DNAJC11: variants seen among roughly 807,000 people sequenced by gnomAD.
The protein encoded by DNAJC11 is dnaJ homolog subfamily C member 11.
Under a neutral mutation model 78.6 loss-of-function variants are expected in DNAJC11, and 15 were observed. The ratio of observed to expected loss-of-function variants is 0.19; its 90% CI spans 0.13 to 0.29. DNAJC11 has a LOEUF of 0.29. DNAJC11 is among the 10% of genes least tolerant of loss of function. The pLI is 1.00. For missense variants in DNAJC11, 547 were observed against 709.6 expected, an observed-to-expected ratio of 0.77 and a Z score of 2.60; for synonymous variants, 292 against 272.1, an observed-to-expected ratio of 1.07 and a Z score of -0.72.
At chr1:6,659,437 C>T (rs574829643) in intron 4 of DNAJC11, among the ~76,000 whole-genome samples, 3 of 152,310 alleles carry the variant, frequency 2.0e-5, no homozygotes, top group African/African-American at 7.2e-5. Flanking sequence ...CCTCCAGTGG[C>T]ACCTTTTCAG....
At chr1:6,667,048 G>C (rs1642304352) in intron 4 of DNAJC11, among the ~76,000 whole-genome samples, 1 of 152,160 alleles carries the variant, frequency 6.6e-6, no homozygotes, top group Non-Finnish European at 1.5e-5. Context: ...AACCTCCCCA[G>C]CAAACTGAAA....
intron 2 of DNAJC11, among the ~76,000 whole-genome samples, chr1:6,678,801 T>C (rs1642509917): frequency 6.6e-6 from 1 of 152,124 alleles, no homozygotes; most frequent in Non-Finnish European, 1.5e-5. Context: ...TACAGGTGTG[T>C]GCCACCATGC....
chr1:6,681,178 T>G, intron 1 of DNAJC11, 141 bp from the exon 2 acceptor site: 1 of 820,478 alleles, frequency 1.2e-6, no homozygotes, highest in South Asian at 1.9e-5. Context: ...GAAGTTCGGT[T>G]TATCACCTCA....
At chr1:6,662,759 G>A (rs1459039052) in intron 4 of DNAJC11, among the ~76,000 whole-genome samples, 1 of 152,088 alleles carries the variant, frequency 6.6e-6, no homozygotes, top group African/African-American at 2.4e-5. Context: ...GGACCAACCG[G>A]CACTCTGTAA....
At chr1:6,694,740 C>A (rs566978550) in intron 1 of DNAJC11, among the ~76,000 whole-genome samples, 3 of 149,278 alleles carry the variant, frequency 2.0e-5, no homozygotes, top group Non-Finnish European at 4.5e-5. Context: ...CTGAGGCGGG[C>A]GGATCACAAG....
intron 7 of DNAJC11, among the ~76,000 whole-genome samples, chr1:6,649,849 A>G (rs1642026837): frequency 1.3e-5 from 2 of 151,960 alleles, no homozygotes; most frequent in Admixed American, 6.6e-5. Flanking sequence ...CTGGGACTAC[A>G]GGCAAGCGCC....
chr1:6,668,230 G>T (rs1306332953), intron 3 of DNAJC11: 6 of 158,946 alleles, frequency 3.8e-5, no homozygotes, highest in Non-Finnish European at 2.8e-5. Context: ...TCCGCCTCCT[G>T]GGTTAACACC....
chr1:6,655,442 A>AT (rs1251239110), intron 4 of DNAJC11, among the ~76,000 whole-genome samples: 5 of 152,186 alleles, frequency 3.3e-5, no homozygotes, highest in Non-Finnish European at 5.9e-5. Flanking sequence ...AAATTTACAA[A>AT]TTTTTTATAT....
intron 4 of DNAJC11, among the ~76,000 whole-genome samples, chr1:6,663,698 A>G (rs928910198): frequency 3.9e-5 from 6 of 152,170 alleles, no homozygotes; most frequent in African/African-American, 9.7e-5. Flanking sequence ...CGCCAGTTCA[A>G]TGTGGAGGGC....
chr1:6,683,023 T>C (rs963631760), intron 1 of DNAJC11, among the ~76,000 whole-genome samples: 2 of 152,212 alleles, frequency 1.3e-5, no homozygotes, highest in Non-Finnish European at 2.9e-5. Flanking sequence ...CATTTTAAAG[T>C]AGGAGCTCCT....
chr1:6,681,071 A>G (rs1401584186), intron 1 of DNAJC11, 34 bp from the exon 2 acceptor site: 1 of 1,582,976 alleles, frequency 6.3e-7, no homozygotes, highest in South Asian at 1.1e-5. Flanking sequence ...GAGAACAATC[A>G]ATGCTACTTA....
intron 4 of DNAJC11, among the ~76,000 whole-genome samples, chr1:6,655,981 A>G (rs1642120511): frequency 6.7e-6 from 1 of 149,738 alleles, no homozygotes; most frequent in Non-Finnish European, 1.5e-5. Flanking sequence ...GCGCACCTAT[A>G]ATCCCAGCTC....
intron 3 of DNAJC11, among the ~76,000 whole-genome samples, chr1:6,673,195 CAAAAAAAAAAAAA>C (rs70981399): frequency 1.5e-4 from 6 of 39,292 alleles, no homozygotes; most frequent in East Asian, 9.1e-4. Context: ...AACTCCATCT[CAAAAAAAAAAAAA>C]AAAAAAAAAA....
chr1:6,677,953 C>A (rs552141002), intron 3 of DNAJC11, among the ~76,000 whole-genome samples: 2 of 152,358 alleles, frequency 1.3e-5, no homozygotes, highest in African/African-American at 4.8e-5. Context: ...AACATACTCC[C>A]ATCTGAAATA....
chr1:6,690,107 C>T (rs573378410), intron 1 of DNAJC11, among the ~76,000 whole-genome samples: 17 of 152,132 alleles, frequency 1.1e-4, no homozygotes, highest in East Asian at 9.7e-4. Context: ...ACCCCTAACC[C>T]GAAAGATTGT....
chr1:6,652,053 C>G (rs1398152658), intron 6 of DNAJC11, among the ~76,000 whole-genome samples: 1 of 152,222 alleles, frequency 6.6e-6, no homozygotes, highest in Admixed American at 6.5e-5. Context: ...GGGCGGTCCT[C>G]AGGAGCCTGA....
Position 6,653,844 on chromosome 1 carries a change from G to T in DNAJC11, c.507+67C>A. On this transcript the variant is annotated intron_variant, in intron 5 of 15. Coordinates refer to ENST00000377577, the MANE Select transcript of DNAJC11 (RefSeq NM_018198.4). The surrounding 1 kb of genome is among the most constrained non-coding windows in gnomAD (Gnocchi z 4.5). ...CCCTGGGCAGACTCTCATTCCAGCT[G>T]CTTGGTGTGCTGTGCCTCATTAACT... The T allele has an allele frequency of 6.3e-7, 1 of 1,577,252 alleles. No individual in the cohort carries two copies. The highest frequency in any genetic ancestry group is 1.1e-5 in the South Asian group (1 of 89,312).
Position 6,680,864 on chromosome 1 carries a change from A to C in DNAJC11, c.202+44T>G. 6.3e-7 allele frequency: 1 copy of C among 1,599,200 alleles called. No individual in the cohort carries two copies. Among genetic ancestry groups the C allele is most frequent in the Non-Finnish European group, 8.5e-7 (1 of 1,169,960 alleles). ...AAATCGCACCTCCTAAAAATCGAAT[A>C]TCTGTTACCAGGATGTTTCTACAAA... On this transcript the variant is annotated intron_variant, in intron 2 of 15. Coordinates refer to ENST00000377577, the MANE Select transcript of DNAJC11 (RefSeq NM_018198.4). The surrounding 1 kb of genome is among the most constrained non-coding windows in gnomAD (Gnocchi z 4.0).
At chr1:6,669,800 A>G (rs1642350410) in intron 3 of DNAJC11, among the ~76,000 whole-genome samples, 1 of 152,102 alleles carries the variant, frequency 6.6e-6, no homozygotes, top group African/African-American at 2.4e-5. Flanking sequence ...GACCAAAGTT[A>G]TCAGATGGAT....
Sources: gnomAD v4.1 joint callset for allele counts (sites outside exome capture counted in the v4.1 genomes callset) on GRCh38, gnomAD v4.1.1 for gene constraint, Gnocchi (gnomAD v3.1) non-coding constraint, MANE v1.5 for transcripts, NCBI Gene and HGNC (gene_info 2026-07-23, HGNC 2026-07-21) for gene names.